Variants in LEMD3 observed in about 807,000 individuals in gnomAD.
LEMD3 encodes LEM domain containing 3.
LEMD3 carries 33 observed loss-of-function variants against 95.2 expected under a neutral mutation model. That is an observed-to-expected ratio of 0.35 (90% CI 0.26 to 0.46). LEMD3 has a LOEUF of 0.46. Ranked by LOEUF, LEMD3 falls within the 20% of genes least tolerant of loss-of-function variation. The pLI is 1.00. For synonymous variants in LEMD3, 525 were observed against 474.6 expected, an observed-to-expected ratio of 1.11 and a Z score of -1.38; for missense variants, 1,210 against 1,192.8, an observed-to-expected ratio of 1.01 and a Z score of -0.21.
Position 65,170,250 on chromosome 12 carries a change from G to A in LEMD3, c.654G>A (p.Glu218=), listed in dbSNP as rs558755661. Reference sequence around the variant, plus strand: ...CGCCGGGGAAAGATGGAGCAGTGGAGGACGAGGAAGGGGAGGGAGAGGACG... The same window carrying A: ...CGCCGGGGAAAGATGGAGCAGTGGAAGACGAGGAAGGGGAGGGAGAGGACG... ...QTPPGKDGAV[E]DEEGEGEDGE... is the part of the protein sequence containing the mutation. The change falls in exon 1 of 13, where the codon GAG becomes GAA. Residue 218 remains glutamate, a synonymous_variant. Transcript: ENST00000308330. 6.4e-7 allele frequency: 1 copy of A among 1,550,716 alleles called. No individual in the cohort carries two copies. Among genetic ancestry groups the A allele is most frequent in the Non-Finnish European group, 8.7e-7 (1 of 1,146,592 alleles).
At chr12:65,175,061 A>G (rs551212456) in intron 1 of LEMD3, among the ~76,000 whole-genome samples, 1 of 152,306 alleles carries the variant, frequency 6.6e-6, no homozygotes, top group East Asian at 1.9e-4. Flanking sequence ...TTGAAGGACC[A>G]AAAAGAATGG....
chr12:65,216,001 A>G lies in LEMD3; in HGVS notation c.1585A>G (p.Asn529Asp), dbSNP rs1187258687. The change falls in exon 3 of 13, where the codon AAC (asparagine) becomes GAC (aspartate). Residue 529 changes from asparagine to aspartate, a missense_variant. Physicochemically the swap from Asn to Asp is conservative, Grantham distance 23. Coordinates refer to ENST00000308330, the MANE Select transcript of LEMD3 (RefSeq NM_014319.5). Reference sequence around the variant, plus strand: ...GGAAAGTGAAAAAACTCTTATGATGAACACATTATATAAGCTTCATGATCG... The same window carrying G: ...GGAAAGTGAAAAAACTCTTATGATGGACACATTATATAAGCTTCATGATCG... ...IQESEKTLMM[N>D]TLYKLHDRLA... is the part of the protein sequence containing the mutation. The G allele has an allele frequency of 1.9e-6, 3 of 1,575,178 alleles. No individual in the cohort carries two copies. Among genetic ancestry groups the G allele is most frequent in the African/African-American group, 2.7e-5 (2 of 74,202 alleles).
At chr12:65,237,853 T>C (rs529555943) in intron 4 of LEMD3, among the ~76,000 whole-genome samples, 2 of 152,380 alleles carry the variant, frequency 1.3e-5, no homozygotes, top group Non-Finnish European at 2.9e-5. Flanking sequence ...TTGAGAATAC[T>C]TGTCTGTGAA....
chr12:65,244,247 GT>G (rs1871023365), intron 10 of LEMD3, among the ~76,000 whole-genome samples: 1 of 151,358 alleles, frequency 6.6e-6, no homozygotes, highest in Non-Finnish European at 1.5e-5. Flanking sequence ...GTATGCACAC[GT>G]GTTTGCACGT....
At chr12:65,236,852 C>A (rs1174608514) in intron 4 of LEMD3, among the ~76,000 whole-genome samples, 1 of 151,910 alleles carries the variant, frequency 6.6e-6, no homozygotes, top group African/African-American at 2.4e-5. Context: ...GACATTGACA[C>A]AATATTTTGT....
intron 7 of LEMD3, 50 bp from the exon 8 acceptor site, chr12:65,240,086 C>T (rs763811486): frequency 4.5e-6 from 7 of 1,551,870 alleles, no homozygotes; most frequent in African/African-American, 1.4e-5. Flanking sequence ...CATGATTAAA[C>T]TACATTATGT....
chr12:65,236,112 G>A (rs1870765268), intron 4 of LEMD3, among the ~76,000 whole-genome samples: 1 of 152,162 alleles, frequency 6.6e-6, no homozygotes. Context: ...AAACTATACT[G>A]ATCAAATGAA....
At chr12:65,173,890 GTC>G (rs1868631427) in intron 1 of LEMD3, among the ~76,000 whole-genome samples, 1 of 152,120 alleles carries the variant, frequency 6.6e-6, no homozygotes, top group African/African-American at 2.4e-5. Context: ...ACTTCAGTTA[GTC>G]TGCACACCTA....
intron 1 of LEMD3, among the ~76,000 whole-genome samples, chr12:65,173,882 T>C (rs1209635658): frequency 6.6e-6 from 1 of 152,158 alleles, no homozygotes. Flanking sequence ...GCCTGCTAAC[T>C]TCAGTTAGTC....
At chr12:65,228,812 A>T (rs1212760528) in intron 4 of LEMD3, among the ~76,000 whole-genome samples, 4 of 152,254 alleles carry the variant, frequency 2.6e-5, no homozygotes, top group Non-Finnish European at 2.9e-5. Flanking sequence ...ATCACCTCAA[A>T]CATTTATCAT....
chr12:65,234,450 A>G (rs941284216), intron 4 of LEMD3, among the ~76,000 whole-genome samples: 2 of 152,122 alleles, frequency 1.3e-5, no homozygotes, highest in Non-Finnish European at 2.9e-5. Flanking sequence ...AAATAATTCA[A>G]TTTTTGCTTT....
chr12:65,196,277 A>G (rs1241270691), intron 1 of LEMD3, among the ~76,000 whole-genome samples: 1 of 152,014 alleles, frequency 6.6e-6, no homozygotes, highest in Non-Finnish European at 1.5e-5. Context: ...TGCCTTTTGT[A>G]GGGAGTCTTT....
At chr12:65,204,245 ATG>A (rs1051806418) in intron 1 of LEMD3, among the ~76,000 whole-genome samples, 1 of 150,796 alleles carries the variant, frequency 6.6e-6, no homozygotes. Context: ...AACGTGTGCC[ATG>A]GTGATTTGCT....
chr12:65,200,111 C>G (rs556789788), intron 1 of LEMD3, among the ~76,000 whole-genome samples: 1 of 151,632 alleles, frequency 6.6e-6, no homozygotes, highest in African/African-American at 2.4e-5. Context: ...TTGATTGGTC[C>G]GCTCCTGCAA....
chr12:65,205,406 A>G (rs1869733154), intron 1 of LEMD3, among the ~76,000 whole-genome samples: 1 of 152,154 alleles, frequency 6.6e-6, no homozygotes, highest in African/African-American at 2.4e-5. Flanking sequence ...TATCATATAT[A>G]AAGAATAAGA....
rs142542896 is a variant in LEMD3, at chr12:65,241,045, G to A, written c.2263G>A (p.Asp755Asn). 1.2e-4 allele frequency: 199 copies of A among 1,613,908 alleles called. No homozygotes were observed. The highest frequency in any genetic ancestry group is 1.6e-4 in the Middle Eastern group (1 of 6,084). The part of the protein sequence containing the change: ...WRWIQPSASC[D>N]KILVIPSKVW... ...GTGGATCCAGCCTTCTGCATCCTGT[G>A]ACAAAATATTAGTTATACCTTCTAA... The change falls in exon 9 of 13, where the codon GAC becomes AAC. Residue 755 changes from aspartate to asparagine, a missense_variant. By Grantham distance (23) the Asp-to-Asn change is conservative (BLOSUM62 1). Transcript: ENST00000308330.
intron 1 of LEMD3, 54 bp downstream of exon 1, chr12:65,171,172 G>T (rs1301018132): frequency 1.9e-6 from 3 of 1,599,950 alleles, no homozygotes; most frequent in Non-Finnish European, 1.7e-6. Context: ...TTAGTGGTCC[G>T]CTTTAGCCGC....
chr12:65,207,585 C>T (rs935806108), intron 1 of LEMD3, among the ~76,000 whole-genome samples: 3 of 152,104 alleles, frequency 2.0e-5, no homozygotes, highest in African/African-American at 7.2e-5. Context: ...GCTCAGTCTT[C>T]TGAGAGAATA....
chr12:65,220,485 G>C (rs1371296981), intron 4 of LEMD3, among the ~76,000 whole-genome samples: 4 of 151,962 alleles, frequency 2.6e-5, no homozygotes, highest in Non-Finnish European at 4.4e-5. Flanking sequence ...TCAGATATAT[G>C]GTTTGCAAAT....
Sources: gnomAD v4.1 joint callset for allele counts (sites outside exome capture counted in the v4.1 genomes callset) on GRCh38, gnomAD v4.1.1 for gene constraint, MANE v1.5 for transcripts, NCBI Gene and HGNC (gene_info 2026-07-23, HGNC 2026-07-21) for gene names.